The following ZEB2 variants were observed in gnomAD, a reference collection of about 807,000 sequenced individuals.
ZEB2 encodes zinc finger E-box binding homeobox 2, also known as zinc finger E-box-binding homeobox 2.
A neutral mutation model predicts 99.9 loss-of-function variants in ZEB2; 6 were observed. The observed-to-expected ratio is 0.06, with a 90% CI of 0.03 to 0.12. ZEB2 has a LOEUF of 0.12. Among genes scored for constraint, ZEB2 ranks in the 10% least tolerant of loss-of-function variants. The probability of loss-of-function intolerance (pLI) is 1.00; values close to 1 mark genes in which losing one functional copy is unlikely to be tolerated. For synonymous variants in ZEB2, 517 were observed against 542.5 expected (o/e 0.95, Z 0.65); for missense variants, 969 against 1,502.8 (o/e 0.64, Z 5.87).
At chr2:144,426,485 G>A (rs1703692048) in intron 3 of ZEB2, 2 of 150,228 alleles carry the variant, frequency 1.3e-5, no homozygotes, top group African/African-American at 2.5e-5. Flanking sequence ...AGTCACTGAG[G>A]GGAAAACAGT....
intron 2 of ZEB2, chr2:144,513,214 ACCT>A (rs1471876021): frequency 7.8e-7 from 1 of 1,286,914 alleles, no homozygotes; most frequent in Non-Finnish European, 1.0e-6. Context: ...CACTACCAGC[ACCT>A]CCACTCCTTT....
intron 2 of ZEB2, among the ~76,000 whole-genome samples, chr2:144,437,443 ACTCT>A (rs1406447988): frequency 2.0e-5 from 3 of 152,078 alleles, no homozygotes; most frequent in African/African-American, 2.4e-5. Flanking sequence ...ATTTTAGAAG[ACTCT>A]CTCTAATTAT....
intron 2 of ZEB2, among the ~76,000 whole-genome samples, chr2:144,510,687 C>CCCCT (rs1705019805): frequency 6.8e-6 from 1 of 147,870 alleles, no homozygotes; most frequent in Non-Finnish European, 1.5e-5. Flanking sequence ...CTACCCTGTG[C>CCCCT]CTCTCTCTCT....
intron 2 of ZEB2, among the ~76,000 whole-genome samples, chr2:144,515,235 A>G (rs114229477): frequency 0.022 from 3,368 of 152,268 alleles, 58 homozygotes; most frequent in South Asian, 0.046. Context: ...CAGAAGAGGG[A>G]AAAAAGCCTC....
intron 2 of ZEB2, among the ~76,000 whole-genome samples, chr2:144,465,789 A>G (rs974705975): frequency 6.6e-6 from 1 of 152,128 alleles, no homozygotes; most frequent in African/African-American, 2.4e-5. Flanking sequence ...ATTCAGTGTC[A>G]CTCGTACATA....
In ZEB2 at chr2:144,398,532, G is replaced by C. The variant is rs756567435; in HGVS notation, c.2655C>G (p.Ser885Arg). The change falls in exon 8 of 10, where the codon AGC becomes AGG. Residue 885 changes from serine (S) to arginine (R), a missense_variant. Physicochemically the swap from Ser to Arg is moderately radical, Grantham distance 110. Coordinates refer to ENST00000627532, the MANE Select transcript of ZEB2 (RefSeq NM_014795.4). ...LDNKSTNPVF[S>R]MNPFSAKPLY... is the part of the protein sequence containing the mutation. ...AAGGTTTGGCACTAAATGGGTTCAT[G>C]CTGAACACTGGGTTAGTGCTTTTGT... 3 of 1,614,144 alleles carry C rather than the reference G, an allele frequency of 1.9e-6. No homozygotes were observed. In the East Asian group the frequency reaches 6.7e-5, roughly 36 times the overall value.
chr2:144,512,309 C>T (rs1705053811), intron 2 of ZEB2: 10 of 1,287,198 alleles, frequency 7.8e-6, no homozygotes, highest in Non-Finnish European at 1.0e-5. Flanking sequence ...TGGAAGAATG[C>T]AGATGACAAA....
intron 4 of ZEB2, chr2:144,424,494 T>C: frequency 1.7e-6 from 1 of 581,352 alleles, no homozygotes; most frequent in Non-Finnish European, 3.2e-6. Flanking sequence ...TTTTGCAGTC[T>C]TTTAAAATAA....
chr2:144,482,323 T>C (rs1280896385), intron 2 of ZEB2: 1 of 152,256 alleles, frequency 6.6e-6, no homozygotes, highest in Non-Finnish European at 1.5e-5. Context: ...CCACCTACCA[T>C]AGGTTCTCAT....
chr2:144,484,801 G>A (rs1014605374), intron 2 of ZEB2, among the ~76,000 whole-genome samples: 1 of 151,690 alleles, frequency 6.6e-6, no homozygotes. Context: ...GTACACGGTG[G>A]AACATTTCCT....
At chr2:144,496,915 C>T (rs530553125) in intron 2 of ZEB2, 1 of 152,170 alleles carries the variant, frequency 6.6e-6, no homozygotes, top group Non-Finnish European at 1.5e-5. Flanking sequence ...TTCGCAAGCT[C>T]ACCATCACCT....
At chr2:144,392,904 G>C (rs1039988337) in intron 9 of ZEB2, among the ~76,000 whole-genome samples, 1 of 152,066 alleles carries the variant, frequency 6.6e-6, no homozygotes, top group Non-Finnish European at 1.5e-5. Context: ...ATAAATGAAA[G>C]GTTTGTGGTA....
chr2:144,405,079 C>T (rs1703368312), intron 4 of ZEB2, 55 bp from the exon 5 acceptor site: 3 of 1,561,382 alleles, frequency 1.9e-6, no homozygotes, highest in Non-Finnish European at 2.6e-6. Context: ...CCTAGGATCC[C>T]AAGTCCATCT....
At chr2:144,396,276 G>A (rs187827848) in intron 9 of ZEB2, 136 bp downstream of exon 9, 38 of 1,182,940 alleles carry the variant, frequency 3.2e-5, no homozygotes, top group African/African-American at 1.7e-4. Context: ...TACTGAGCTC[G>A]GCAAAAGCAT....
chr2:144,437,980 A>T (rs1703859558), intron 2 of ZEB2, among the ~76,000 whole-genome samples: 1 of 152,224 alleles, frequency 6.6e-6, no homozygotes. Flanking sequence ...TAAGATACAG[A>T]TATAACTGAA....
chr2:144,441,195 G>GAGAGAGAGAA (rs1703912775), intron 2 of ZEB2, among the ~76,000 whole-genome samples: 1 of 151,198 alleles, frequency 6.6e-6, no homozygotes, highest in Non-Finnish European at 1.5e-5. Context: ...GAGAGAGAGA[G>GAGAGAGAGAA]AGAGAGAGAG....
At chr2:144,445,756 A>T (rs1703975408) in intron 2 of ZEB2, among the ~76,000 whole-genome samples, 1 of 152,130 alleles carries the variant, frequency 6.6e-6, no homozygotes, top group Non-Finnish European at 1.5e-5. Context: ...TTAGAAATAG[A>T]AATCAGAATC....
chr2:144,493,639 C>G (rs1423740383), intron 2 of ZEB2, among the ~76,000 whole-genome samples: 1 of 152,090 alleles, frequency 6.6e-6, no homozygotes, highest in African/African-American at 2.4e-5. Flanking sequence ...GAGATTGGAA[C>G]ATGAAACAGT....
rs541557487 is a variant in ZEB2 at position 144,413,452 on chromosome 2, C to T, written c.404-8428G>A. On this transcript the variant is annotated intron_variant, in intron 4 of 9. Coordinates refer to ENST00000627532, the MANE Select transcript of ZEB2 (RefSeq NM_014795.4). ...CAGGAAGTGAACAGGCTCTTCTTGG[C>T]GTTCACTGATTATAGTCTGAAAATC... Among the ~76,000 whole-genome samples, 4 of 152,312 alleles carry T rather than the reference C, an allele frequency of 2.6e-5. No homozygotes were observed. The South Asian group carries it at 6.2e-4, about 24-fold the overall frequency.
Sources: gnomAD v4.1 joint callset for allele counts (sites outside exome capture counted in the v4.1 genomes callset) on GRCh38, gnomAD v4.1.1 for gene constraint, MANE v1.5 for transcripts, NCBI Gene and HGNC (gene_info 2026-07-23, HGNC 2026-07-21) for gene names.